Variants in R3HDML observed in about 807,000 individuals in gnomAD.
R3HDML encodes the protein peptidase inhibitor R3HDML.
Under a neutral mutation model 24.2 loss-of-function variants are expected in R3HDML, and 21 were observed. That is an observed-to-expected ratio of 0.87 (90% CI 0.62 to 1.25). R3HDML has a LOEUF of 1.25. Among genes scored for constraint, R3HDML ranks in the 50% most tolerant of loss-of-function variants. The pLI is 0.00. For synonymous variants in R3HDML, 133 were observed against 131.5 expected, an observed-to-expected ratio of 1.01 and a Z score of -0.08; for missense variants, 301 against 340.3, an observed-to-expected ratio of 0.88 and a Z score of 0.91.
At chr20:44,347,229 T>TA (rs879776202) in intron 4 of R3HDML, among the ~76,000 whole-genome samples, 83 of 149,220 alleles carry the variant, frequency 5.6e-4, no homozygotes, top group South Asian at 2.5e-3. Context: ...TTCTTTTTTT[T>TA]TTGGGGGGGG....
chr20:44,348,126 T>C (rs2062794229), intron 4 of R3HDML, among the ~76,000 whole-genome samples: 1 of 152,102 alleles, frequency 6.6e-6, no homozygotes, highest in African/African-American at 2.4e-5. Flanking sequence ...ATCAGTATAG[T>C]TGTTAAGATT....
At chr20:44,345,949 A>C (rs2062785798) in intron 4 of R3HDML, among the ~76,000 whole-genome samples, 1 of 152,028 alleles carries the variant, frequency 6.6e-6, no homozygotes, top group South Asian at 2.1e-4. Flanking sequence ...CCTCCCGAGT[A>C]GCTGGGATTA....
At chr20:44,343,343 C>G (rs776912923) in intron 2 of R3HDML, 34 bp from the exon 3 acceptor site, 3 of 1,605,954 alleles carry the variant, frequency 1.9e-6, no homozygotes, top group Non-Finnish European at 2.5e-6. Flanking sequence ...TCCATCCTCT[C>G]ACCCAGCTTC....
rs1422175861 is a variant in R3HDML, at chr20:44,351,182, C to G, written c.*390C>G. Reference sequence around the variant, plus strand: ...TCACTTGAGTCCTGGAGTTGGAGAACAGCCTGGAAAGCCTGGCGATACCCC... The same window carrying G: ...TCACTTGAGTCCTGGAGTTGGAGAAGAGCCTGGAAAGCCTGGCGATACCCC... On this transcript the variant is annotated 3_prime_UTR_variant, in exon 5 of 5. Transcript: ENST00000217043. 6.1e-6 allele frequency: 1 copy of G among 163,500 alleles called. No individual in the cohort carries two copies. The highest frequency in any genetic ancestry group is 2.4e-5 in the African/African-American group (1 of 41,692). 10.1% of individuals were successfully genotyped at this position (163,500 alleles called of 1,614,324 possible).
Position 44,337,216 on chromosome 20 carries a change from C to T in R3HDML, c.59C>T (p.Ala20Val), listed in dbSNP as rs1415022331. 3.1e-6 allele frequency: 5 copies of T among 1,613,764 alleles called. No individual in the cohort carries two copies. Among genetic ancestry groups the T allele is most frequent in the African/African-American group, 2.7e-5 (2 of 75,058 alleles). ...GGCCTGCTCTTCTGGGCTGGCCAGG[C>T]AGTGAACGCCTTGATAATGCCTAAT... Reference protein sequence around the residue: ...LAGLLFWAGQAVNALIMPNAT... With the variant: ...LAGLLFWAGQVVNALIMPNAT... Residue 20 changes from alanine to valine, a missense_variant, in exon 1 of 5, where the codon GCA becomes GTA. By Grantham distance (64) the Ala-to-Val change is moderately conservative. Coordinates refer to ENST00000217043, the MANE Select transcript of R3HDML (RefSeq NM_178491.4). This position sits in a 1 kb window ranked among gnomAD's most constrained non-coding sequence, Gnocchi z 4.7.
In R3HDML at chr20:44,345,367, C is replaced by T; in HGVS notation, c.618C>T (p.Asn206=). Residue 206 remains asparagine, a synonymous_variant, in exon 4 of 5, where the codon AAC becomes AAT. Transcript: ENST00000217043. ...ATCGGGCGGCATACCTGGTCTGCAACTATGCCATTAAGTAAGTGCCTGCAC... is the reference window on the plus strand; with the variant it reads ...ATCGGGCGGCATACCTGGTCTGCAATTATGCCATTAAGTAAGTGCCTGCAC... ...TWHRAAYLVC[N]YAIKGNWIGE... is the part of the protein sequence containing the mutation. The T allele has an allele frequency of 6.2e-7, 1 of 1,612,830 alleles. No homozygotes were observed. Among genetic ancestry groups the T allele is most frequent in the Middle Eastern group, 1.7e-4 (1 of 6,054 alleles).
At chr20:44,338,917 C>T (rs1422163315) in intron 1 of R3HDML, among the ~76,000 whole-genome samples, 1 of 151,982 alleles carries the variant, frequency 6.6e-6, no homozygotes, top group African/African-American at 2.4e-5. Flanking sequence ...ACTAAAAATA[C>T]AAAAATTAGC....
At position 44,343,318 on chromosome 20, in the gene R3HDML, C is replaced by T. The variant is rs960963776; in HGVS notation, c.381-59C>T. 2.3e-5 allele frequency: 36 copies of T among 1,587,172 alleles called. No homozygotes were observed. The Admixed American group carries it at 3.3e-4, about 15-fold the overall frequency. On this transcript the variant is annotated intron_variant, in intron 2 of 4. Transcript: ENST00000217043. The stretch of plus-strand genomic sequence containing the variant: ...TCACCCAAGGTCACCAGCAAGTTGG[C>T]GGCCGAGCCACTTTTCCATCCTCTC...
intron 1 of R3HDML, among the ~76,000 whole-genome samples, chr20:44,339,605 GTC>G (rs1491026878): frequency 2.7e-5 from 4 of 149,882 alleles, no homozygotes; most frequent in Non-Finnish European, 6.0e-5. Flanking sequence ...GTGTGTGTGT[GTC>G]TGTGTGTGTG....
Position 44,337,545 on chromosome 20 carries a change from A to G in R3HDML, c.261+127A>G, listed in dbSNP as rs568914071. On this transcript the variant is annotated intron_variant, in intron 1 of 4. Transcript: ENST00000217043. This position sits in a 1 kb window ranked among gnomAD's most constrained non-coding sequence, Gnocchi z 4.7. ...ACTTGCCTGCCTGGCCCCACTAGCC[A>G]GTATCTGGGTGTCGACCTGTGGAAA... 2.0e-5 allele frequency: 20 copies of G among 1,008,812 alleles called. No homozygotes were observed. In the East Asian group the frequency reaches 4.4e-4, roughly 22 times the overall value. 62.5% of individuals were successfully genotyped at this position (1,008,812 alleles called of 1,614,324 possible). A position where few individuals can be genotyped will look rare whatever the true frequency, so the allele number is the denominator to read the frequency against.
At chr20:44,349,760 G>T (rs535611496) in intron 4 of R3HDML, among the ~76,000 whole-genome samples, 1 of 152,288 alleles carries the variant, frequency 6.6e-6, no homozygotes, top group African/African-American at 2.4e-5. Flanking sequence ...ACAATTTTAG[G>T]CTTTGAAAGG....
intron 4 of R3HDML, among the ~76,000 whole-genome samples, chr20:44,345,695 G>A (rs887706540): frequency 6.6e-6 from 1 of 152,020 alleles, no homozygotes; most frequent in East Asian, 1.9e-4. Context: ...AGATACTGGG[G>A]GAGGGGTGAG....
intron 4 of R3HDML, among the ~76,000 whole-genome samples, chr20:44,350,450 C>T (rs555429248): frequency 2.7e-5 from 4 of 150,674 alleles, no homozygotes; most frequent in Admixed American, 6.6e-5. Flanking sequence ...GAGCCCAGGA[C>T]GTCAAGGCTG....
chr20:44,348,357 A>G (rs1303248575), intron 4 of R3HDML, among the ~76,000 whole-genome samples: 2 of 152,200 alleles, frequency 1.3e-5, no homozygotes, highest in Non-Finnish European at 2.9e-5. Flanking sequence ...CAATGCATCT[A>G]CTAAGCATTT....
chr20:44,345,767 A>G (rs1394178658), intron 4 of R3HDML, among the ~76,000 whole-genome samples: 2 of 152,094 alleles, frequency 1.3e-5, no homozygotes, highest in Non-Finnish European at 2.9e-5. Flanking sequence ...ATGCTCACTC[A>G]TGAGTGAGAA....
Position 44,350,678 on chromosome 20 carries a change from G to A in R3HDML, c.648G>A (p.Glu216=). 1 of 1,613,726 alleles carries A rather than the reference G, an allele frequency of 6.2e-7. No homozygotes were observed. The highest frequency in any genetic ancestry group is 1.1e-5 in the South Asian group (1 of 91,008). Residue 216 remains glutamate, a synonymous_variant, in exon 5 of 5, where the codon GAG becomes GAA. Transcript: ENST00000217043. ...NYAIKGNWIG[E]SPYKMGKPCS... is the part of the protein sequence containing the mutation. ...CTTCCAGGGGCAACTGGATTGGCGA[G>A]TCCCCGTACAAGATGGGAAAGCCGT...
intron 4 of R3HDML, among the ~76,000 whole-genome samples, chr20:44,347,331 G>A (rs751760691): frequency 3.3e-5 from 5 of 151,344 alleles, no homozygotes; most frequent in South Asian, 2.1e-4. Context: ...CAATCCTCCC[G>A]CCTCACCCTC....
At chr20:44,339,802 G>A (rs1247966936) in intron 1 of R3HDML, among the ~76,000 whole-genome samples, 1 of 151,892 alleles carries the variant, frequency 6.6e-6, no homozygotes, top group Non-Finnish European at 1.5e-5. Flanking sequence ...TTGTTGACAC[G>A]GAATCTCCCT....
intron 1 of R3HDML, among the ~76,000 whole-genome samples, chr20:44,338,510 C>T (rs1290374344): frequency 6.6e-6 from 1 of 152,154 alleles, no homozygotes; most frequent in East Asian, 1.9e-4. Context: ...GCAGGGGAGT[C>T]ATTGACTTGT....
Sources: allele counts gnomAD v4.1 joint callset (sites outside exome capture counted in the v4.1 genomes callset), GRCh38; gene constraint gnomAD v4.1.1; non-coding constraint Gnocchi (gnomAD v3.1); transcripts MANE v1.5; gene names NCBI Gene and HGNC (gene_info 2026-07-23, HGNC 2026-07-21).